Variants in KHDRBS3 observed in about 807,000 individuals in gnomAD.
KHDRBS3 encodes the protein KH domain-containing, RNA-binding, signal transduction-associated protein 3.
Under a neutral mutation model 45.6 loss-of-function variants are expected in KHDRBS3, and 23 were observed. That is an observed-to-expected ratio of 0.50 (90% CI 0.36 to 0.72). The LOEUF (loss-of-function observed/expected upper bound fraction) is 0.72. Among genes scored for constraint, KHDRBS3 ranks in the 30% least tolerant of loss-of-function variants. The pLI, the probability that KHDRBS3 is intolerant of heterozygous loss-of-function variation, is 0.00. For synonymous variants in KHDRBS3, 162 were observed against 156.5 expected (o/e 1.04, Z -0.26); for missense variants, 352 against 424.8 (o/e 0.83, Z 1.51).
intron 5 of KHDRBS3, among the ~76,000 whole-genome samples, chr8:135,566,032 G>A (rs1449943925): frequency 2.0e-5 from 3 of 152,166 alleles, no homozygotes; most frequent in Non-Finnish European, 4.4e-5. Context: ...GAAAACACAT[G>A]TGCCAGAAAT....
chr8:135,535,591 G>T (rs1223485763), intron 2 of KHDRBS3, among the ~76,000 whole-genome samples: 1 of 151,696 alleles, frequency 6.6e-6, no homozygotes, highest in Non-Finnish European at 1.5e-5. Context: ...TGTGTGTTGG[G>T]TCAAGAAGTT....
chr8:135,543,849 T>G (rs1223976358), intron 3 of KHDRBS3, among the ~76,000 whole-genome samples: 1 of 152,178 alleles, frequency 6.6e-6, no homozygotes, highest in Non-Finnish European at 1.5e-5. Context: ...AAACATGACA[T>G]GTTTCAGATT....
intron 1 of KHDRBS3, among the ~76,000 whole-genome samples, chr8:135,488,992 T>G (rs186414970): frequency 1.1e-3 from 166 of 152,354 alleles, no homozygotes; most frequent in Non-Finnish European, 2.0e-3. Context: ...TTCTGTATTT[T>G]TCTGAAAAAT....
At chr8:135,590,987 C>T (rs1302592792) in intron 6 of KHDRBS3, among the ~76,000 whole-genome samples, 1 of 152,182 alleles carries the variant, frequency 6.6e-6, no homozygotes, top group Non-Finnish European at 1.5e-5. Context: ...CATACAAGCT[C>T]ATAAGAATAC....
chr8:135,495,879 ATC>A (rs1456294589), intron 1 of KHDRBS3, among the ~76,000 whole-genome samples: 5 of 152,052 alleles, frequency 3.3e-5, no homozygotes, highest in African/African-American at 1.2e-4. Context: ...GGGGGAATGA[ATC>A]TCTGAGATGG....
intron 2 of KHDRBS3, among the ~76,000 whole-genome samples, chr8:135,522,021 A>T (rs575779504): frequency 6.6e-6 from 1 of 152,182 alleles, no homozygotes; most frequent in Admixed American, 6.5e-5. Flanking sequence ...ACATAGGTAA[A>T]TGTGTGCCAT....
chr8:135,528,261 A>G (rs757904895), intron 2 of KHDRBS3, among the ~76,000 whole-genome samples: 1 of 152,194 alleles, frequency 6.6e-6, no homozygotes. Flanking sequence ...TTGAGAGATA[A>G]AACATGTCTG....
intron 1 of KHDRBS3, among the ~76,000 whole-genome samples, chr8:135,510,459 G>C (rs1824222589): frequency 6.6e-6 from 1 of 152,082 alleles, no homozygotes; most frequent in Non-Finnish European, 1.5e-5. Context: ...TTCTGAGACG[G>C]AGTCTCACTC....
chr8:135,638,600 G>A (rs2131170893), intron 7 of KHDRBS3, among the ~76,000 whole-genome samples: 1 of 152,316 alleles, frequency 6.6e-6, no homozygotes, highest in African/African-American at 2.4e-5. Context: ...TAGATGGATA[G>A]GAAGACATAG....
Position 135,655,297 on chromosome 8 carries a change from G to T in KHDRBS3, c.*118-929G>T, listed in dbSNP as rs146992516. 3.9e-4 allele frequency among the ~76,000 whole-genome samples: 60 copies of T among 152,296 alleles called. No homozygotes were observed. In the East Asian group the frequency reaches 0.011, roughly 28 times the overall value. On this transcript the variant is annotated intron_variant and NMD_transcript_variant, in intron 4 of 4. Transcript: ENST00000521461. ...CCCTGGCACTCTGCAGCAATAAAAG[G>T]CTAGAGAAGGGCAGGGATGGTGCAG...
At chr8:135,568,300 T>C (rs1827528683) in intron 5 of KHDRBS3, among the ~76,000 whole-genome samples, 1 of 152,084 alleles carries the variant, frequency 6.6e-6, no homozygotes, top group African/African-American at 2.4e-5. Context: ...TTCTAAAAAA[T>C]AGGGTAACTC....
chr8:135,564,420 G>A (rs1486846240), intron 5 of KHDRBS3, among the ~76,000 whole-genome samples: 2 of 152,064 alleles, frequency 1.3e-5, no homozygotes, highest in East Asian at 3.9e-4. Flanking sequence ...ATAAAATAAT[G>A]TGTATTATTT....
intron 6 of KHDRBS3, among the ~76,000 whole-genome samples, chr8:135,588,322 G>A (rs1218715229): frequency 2.0e-5 from 3 of 152,160 alleles, no homozygotes; most frequent in African/African-American, 7.2e-5. Flanking sequence ...ATAGGGCAAG[G>A]TGTTGGGGAG....
At chr8:135,526,897 G>GT (rs1195781122) in intron 2 of KHDRBS3, among the ~76,000 whole-genome samples, 1 of 149,740 alleles carries the variant, frequency 6.7e-6, no homozygotes, top group East Asian at 2.0e-4. Flanking sequence ...TTTTTTAGAA[G>GT]TTTTTTTTAG....
intron 4 of KHDRBS3, among the ~76,000 whole-genome samples, chr8:135,653,291 G>A (rs1831467005): frequency 6.6e-6 from 1 of 152,124 alleles, no homozygotes; most frequent in Admixed American, 6.5e-5. Context: ...CCAAATCCTA[G>A]CACACTGCCT....
At chr8:135,482,507 G>T (rs9324417) in intron 1 of KHDRBS3, among the ~76,000 whole-genome samples, 121,674 of 152,072 alleles carry the variant, frequency 0.8, 49,198 homozygotes, top group East Asian at 0.96. Context: ...AATAATTCTT[G>T]ATCAGTTACA....
chr8:135,481,535 G>GC (rs1220750275), intron 1 of KHDRBS3, among the ~76,000 whole-genome samples: 1 of 151,996 alleles, frequency 6.6e-6, no homozygotes, highest in Non-Finnish European at 1.5e-5. Context: ...TATGCACGGT[G>GC]CTTGAAACGA....
chr8:135,645,166 A>G (rs554273663), intron 8 of KHDRBS3, 49 bp downstream of exon 8: 5 of 1,576,566 alleles, frequency 3.2e-6, no homozygotes, highest in Middle Eastern at 1.7e-4. Context: ...AGATGGCCGT[A>G]GAAAGACCTT....
At chr8:135,577,455 T>TA (rs397727097) in intron 5 of KHDRBS3, among the ~76,000 whole-genome samples, 10 of 152,116 alleles carry the variant, frequency 6.6e-5, no homozygotes, top group African/African-American at 2.2e-4. Flanking sequence ...ATTTTTTTTT[T>TA]ATCATCTCTC....
Sources: allele counts gnomAD v4.1 joint callset (sites outside exome capture counted in the v4.1 genomes callset), GRCh38; gene constraint gnomAD v4.1.1; transcripts MANE v1.5; gene names NCBI Gene and HGNC (gene_info 2026-07-23, HGNC 2026-07-21).